TNRC6B: variants seen among roughly 807,000 people sequenced by gnomAD.
TNRC6B encodes trinucleotide repeat-containing gene 6B protein.
A neutral mutation model predicts 203.6 loss-of-function variants in TNRC6B; 52 were observed. The ratio of observed to expected loss-of-function variants is 0.26; its 90% CI spans 0.20 to 0.32. The LOEUF is 0.32. TNRC6B is among the 10% of genes least tolerant of loss of function. The pLI is 1.00. For synonymous variants in TNRC6B, 838 were observed against 845.7 expected (o/e 0.99, Z 0.16); for missense variants, 1,923 against 2,286.2 (o/e 0.84, Z 3.24).
intron 1 of TNRC6B, among the ~76,000 whole-genome samples, chr22:40,083,758 G>T (rs1008366694): frequency 1.3e-5 from 2 of 152,130 alleles, no homozygotes; most frequent in African/African-American, 2.4e-5. Context: ...TGAAATAGGG[G>T]AAAGAGGGGA....
At chr22:40,268,531 G>T (rs1177727785) in intron 5 of TNRC6B, among the ~76,000 whole-genome samples, 2 of 152,158 alleles carry the variant, frequency 1.3e-5, no homozygotes, top group Non-Finnish European at 2.9e-5. Flanking sequence ...GGCTCCCCAT[G>T]CAGAATAAAA....
At chr22:40,188,308 A>C (rs900945784) in intron 1 of TNRC6B, among the ~76,000 whole-genome samples, 6 of 152,208 alleles carry the variant, frequency 3.9e-5, no homozygotes, top group Non-Finnish European at 8.8e-5. Context: ...TGGTTACTAC[A>C]TGATTTCATT....
At chr22:40,248,514 A>G (rs2070140434) in intron 2 of TNRC6B, among the ~76,000 whole-genome samples, 1 of 152,214 alleles carries the variant, frequency 6.6e-6, no homozygotes, top group Non-Finnish European at 1.5e-5. Flanking sequence ...TAAACTACAA[A>G]TATCAATACC....
intron 1 of TNRC6B, among the ~76,000 whole-genome samples, chr22:40,061,499 A>G (rs2067852127): frequency 1.3e-5 from 2 of 152,002 alleles, no homozygotes; most frequent in Admixed American, 1.3e-4. Flanking sequence ...CTAGGATTGC[A>G]GGTGTGAGCC....
chr22:40,323,039 G>C lies in TNRC6B; in HGVS notation c.5300G>C (p.Gly1767Ala), dbSNP rs776150436. Residue 1767 changes from glycine (G) to alanine (A), a missense_variant, in exon 23 of 23, where the codon GGT (glycine) becomes GCT (alanine). Around this residue, in one of 8 missense-constraint regions of TNRC6B, gnomAD observed 126 missense variants for 137.5 expected, o/e 0.92. Coordinates refer to ENST00000454349, the MANE Select transcript of TNRC6B (RefSeq NM_001162501.2). ...GTGGGACCTGCTCTGAATCTTTTTG[G>C]TGGGTCCACTGGGCTCGGGCAGTGG... ...DPVGPALNLF[G>A]GSTGLGQWSS... 1.2e-6 allele frequency: 2 copies of C among 1,602,026 alleles called. No homozygotes were observed. The highest frequency in any genetic ancestry group is 2.7e-5 in the African/African-American group (2 of 74,710).
At chr22:40,177,843 C>T (rs1017090761), upstream of TNRC6B, 1 of 1,318,054 alleles carries the variant, frequency 7.6e-7, no homozygotes, top group Admixed American at 3.7e-5. Context: ...AGCTCCAGCT[C>T]CCTCCCCTTT....
chr22:40,051,562 C>T (rs561810092), intron 1 of TNRC6B, among the ~76,000 whole-genome samples: 1 of 152,350 alleles, frequency 6.6e-6, no homozygotes, highest in East Asian at 1.9e-4. Context: ...CACTGATCTT[C>T]CTGAAACAGT....
Position 40,246,874 on chromosome 22 carries a change from G to GTAGTGCT in TNRC6B, c.93+774_93+780dup, listed in dbSNP as rs560551791. On this transcript the variant is annotated intron_variant, in intron 2 of 22. Transcript: ENST00000454349. The stretch of plus-strand genomic sequence containing the variant: ...CTCGGAAAGGATCTAGTGAGCCCAC[G>GTAGTGCT]TAGTGCTTTGGAGGATATGGCATTG... Among the ~76,000 whole-genome samples the GTAGTGCT allele has an allele frequency of 3.8e-4, 58 of 152,140 alleles. No individual in the cohort carries two copies. In the East Asian group the frequency reaches 0.011, roughly 29 times the overall value.
At chr22:40,142,791 A>T (rs1323825674) in intron 3 of TNRC6B, among the ~76,000 whole-genome samples, 1 of 152,200 alleles carries the variant, frequency 6.6e-6, no homozygotes, top group African/African-American at 2.4e-5. Context: ...AACCTAAAGT[A>T]TAAGACTTCA....
At chr22:40,047,850 A>G (rs2067704740) in intron 1 of TNRC6B, among the ~76,000 whole-genome samples, 1 of 152,240 alleles carries the variant, frequency 6.6e-6, no homozygotes, top group African/African-American at 2.4e-5. Context: ...TATCCAGCAC[A>G]GTGCTTGGCA....
chr22:40,172,498 TTGG>T (rs568930104), intron 4 of TNRC6B, among the ~76,000 whole-genome samples: 21 of 152,222 alleles, frequency 1.4e-4, no homozygotes, highest in Non-Finnish European at 7.3e-5. Flanking sequence ...CCTTGTATTG[TTGG>T]TGTAGTGTTG....
At chr22:40,279,074 C>T (rs1193295553) in intron 9 of TNRC6B, among the ~76,000 whole-genome samples, 2 of 152,182 alleles carry the variant, frequency 1.3e-5, no homozygotes, top group Non-Finnish European at 2.9e-5. Flanking sequence ...ATTCGGGTCT[C>T]TTAAAATGCT....
chr22:40,152,125 G>GT (rs1264408688), intron 3 of TNRC6B, among the ~76,000 whole-genome samples: 3 of 152,112 alleles, frequency 2.0e-5, no homozygotes, highest in African/African-American at 4.8e-5. Flanking sequence ...TCCTAAAAGG[G>GT]TTTTTTGTTT....
Position 40,331,851 on chromosome 22 carries a change from G to T in TNRC6B, c.*8610G>T, listed in dbSNP as rs554252473. 1.0e-3 allele frequency: 373 copies of T among 357,382 alleles called. 2 individuals are homozygous for T. The highest frequency in any genetic ancestry group is 2.8e-3 in the Middle Eastern group (4 of 1,414). The allele number at this position is 357,382 out of a possible 1,614,324, so 22.1% of individuals were successfully genotyped here. ...CCCCGTGTCCTGGAGGGGAAGGGGA[G>T]TGAGAGACGAATGTGGTAAGGTCAG... is the stretch of plus-strand genomic sequence containing the variant. On this transcript the variant is annotated 3_prime_UTR_variant, in exon 23 of 23. Transcript: ENST00000454349.
In TNRC6B at chr22:40,245,074, CATTTATTTATTT is replaced by C. The variant is rs36155056; in HGVS notation, c.6-920_6-909del. Among the ~76,000 whole-genome samples, 287 of 149,540 alleles carry C rather than the reference CATTTATTTATTT, an allele frequency of 1.9e-3. 1 individual carries two copies. Among genetic ancestry groups the C allele is most frequent in the African/African-American group, 6.5e-3 (265 of 40,688 alleles). Reference sequence around the variant, plus strand: ...TAGTGAATTCACCCAATAGGACATACATTTATTTATTTATTTATTTATTTATTTATTTTTGAG... The same window carrying C: ...TAGTGAATTCACCCAATAGGACATACATTTATTTATTTATTTATTTTTGAG... On this transcript the variant is annotated intron_variant, in intron 1 of 22. Coordinates refer to ENST00000454349, the MANE Select transcript of TNRC6B (RefSeq NM_001162501.2).
intron 4 of TNRC6B, among the ~76,000 whole-genome samples, chr22:40,161,259 C>T (rs2146358066): frequency 6.6e-6 from 1 of 152,298 alleles, no homozygotes; most frequent in South Asian, 2.1e-4. Context: ...AATTGATTCA[C>T]TACTCAGTTT....
chr22:40,250,736 T>C (rs1379324345), intron 2 of TNRC6B, among the ~76,000 whole-genome samples: 1 of 152,178 alleles, frequency 6.6e-6, no homozygotes, highest in Non-Finnish European at 1.5e-5. Context: ...TGACGTCTGA[T>C]GCCTCTGATG....
intron 1 of TNRC6B, among the ~76,000 whole-genome samples, chr22:40,094,838 T>C (rs1424020464): frequency 1.3e-5 from 2 of 152,246 alleles, no homozygotes; most frequent in Non-Finnish European, 2.9e-5. Flanking sequence ...TCAGTTTTTC[T>C]TTTCCACTTG....
In TNRC6B at chr22:40,329,214, A is replaced by G. The variant is rs1412205389; in HGVS notation, c.*5973A>G. ...GAACTCACAAACCCTGCTGCGCACT[A>G]CATTTACTTCTTTATCTGCAAGTAC... On this transcript the variant is annotated 3_prime_UTR_variant, in exon 23 of 23. Coordinates refer to ENST00000454349, the MANE Select transcript of TNRC6B (RefSeq NM_001162501.2). 2 of 152,234 alleles carry G rather than the reference A, an allele frequency of 1.3e-5. No individual in the cohort carries two copies. Among genetic ancestry groups the G allele is most frequent in the African/African-American group, 2.4e-5 (1 of 41,454 alleles). The allele number at this position is 152,234 out of a possible 1,614,324, so 9.4% of individuals were successfully genotyped here. A position where few individuals can be genotyped will look rare whatever the true frequency, so the allele number is the denominator to read the frequency against.
Sources: allele counts gnomAD v4.1 joint callset (sites outside exome capture counted in the v4.1 genomes callset), GRCh38; gene constraint gnomAD v4.1.1; regional missense constraint gnomAD v4.1.1; transcripts MANE v1.5; gene names NCBI Gene and HGNC (gene_info 2026-07-23, HGNC 2026-07-21).